Variants in PCARE observed in about 807,000 individuals in gnomAD.
The protein encoded by PCARE is photoreceptor cilium actin regulator.
PCARE carries 72 observed loss-of-function variants against 82.2 expected under a neutral mutation model. The observed-to-expected ratio is 0.88, with a 90% CI of 0.72 to 1.07. The LOEUF is 1.07. Ranked by LOEUF, PCARE falls within the 50% of genes least tolerant of loss-of-function variation. PCARE has a pLI of 0.00. For synonymous variants in PCARE, 705 were observed against 634.8 expected, an observed-to-expected ratio of 1.11 and a Z score of -1.66; for missense variants, 1,768 against 1,592.4, an observed-to-expected ratio of 1.11 and a Z score of -1.88.
At position 29,072,709 on chromosome 2, in the gene PCARE, G is replaced by A. The variant is rs763777403; in HGVS notation, c.1553C>T (p.Pro518Leu). 1.9e-6 allele frequency: 3 copies of A among 1,614,118 alleles called. No homozygotes were observed. ...KTPHSRPQSSPADRESPFQAR... is the reference protein window; with the variant it reads ...KTPHSRPQSSLADRESPFQAR... ...CTGAAATGGGCTTTCCCGGTCAGCA[G>A]GTGAAGATTGTGGCCTTGAATGTGG... Residue 518 changes from proline (P) to leucine (L), a missense_variant, in exon 1 of 2, where the codon CCT (proline) becomes CTT (leucine). Pro to Leu is a moderately conservative substitution (Grantham distance 98). Transcript: ENST00000331664.
rs769274864 is a variant in PCARE at position 29,073,813 on chromosome 2, T to A, written c.449A>T (p.Lys150Ile). The A allele has an allele frequency of 2.4e-5, 38 of 1,614,052 alleles. No individual in the cohort carries two copies. The highest frequency in any genetic ancestry group is 3.1e-5 in the Non-Finnish European group (37 of 1,180,028). Reference protein sequence around the residue: ...QDTSKWKRTAKCHTSSTQSHC... With the variant: ...QDTSKWKRTAICHTSSTQSHC... ...GCTCTGTGTGCTTGACGTGTGACATTTTGCTGTCCTTTTCCATTTGGAAGT... is the reference window on the plus strand; with the variant it reads ...GCTCTGTGTGCTTGACGTGTGACATATTGCTGTCCTTTTCCATTTGGAAGT... The change falls in exon 1 of 2, where the codon AAA becomes ATA. Residue 150 changes from lysine (K) to isoleucine (I), a missense_variant. Lys to Ile is a moderately radical substitution (Grantham distance 102, BLOSUM62 -3). Coordinates refer to ENST00000331664, the MANE Select transcript of PCARE (RefSeq NM_001029883.3).
In PCARE at chr2:29,073,882, G is replaced by T; in HGVS notation, c.380C>A (p.Ala127Glu). 6.2e-7 allele frequency: 1 copy of T among 1,614,240 alleles called. No homozygotes were observed. The highest frequency in any genetic ancestry group is 8.5e-7 in the Non-Finnish European group (1 of 1,180,038). The change falls in exon 1 of 2, where the codon GCA (alanine) becomes GAA (glutamate). Residue 127 changes from alanine (A) to glutamate (E), a missense_variant. Transcript: ENST00000331664. The stretch of plus-strand genomic sequence containing the variant: ...CTCACTCTCATCTCCAGAAAAGTCT[G>T]CCCCTTGTGATCCATGGGAACCCTG... ...KTQGSHGSQG[A>E]DFSGDESEES...
rs1667519875 is a variant in PCARE, at chr2:29,072,964, G to T, written c.1298C>A (p.Pro433Gln). ...QPRAQDEARS[P>Q]CLSSTSPENI... is the part of the protein sequence containing the mutation. ...TTCTGGGCTTGTACTGGAGAGGCAT[G>T]GGCTCCTTGCTTCGTCCTGTGCTCG... is the stretch of plus-strand genomic sequence containing the variant. The change falls in exon 1 of 2, where the codon CCA (proline) becomes CAA (glutamine). Residue 433 changes from proline to glutamine, a missense_variant. Coordinates refer to ENST00000331664, the MANE Select transcript of PCARE (RefSeq NM_001029883.3). 1 of 1,614,028 alleles carries T rather than the reference G, an allele frequency of 6.2e-7. No homozygotes were observed. The highest frequency in any genetic ancestry group is 8.5e-7 in the Non-Finnish European group (1 of 1,180,020).
Position 29,071,686 on chromosome 2 carries a change from G to T in PCARE, c.2576C>A (p.Pro859His), listed in dbSNP as rs750148855. Residue 859 changes from proline (P) to histidine (H), a missense_variant, in exon 1 of 2, where the codon CCC becomes CAC. Transcript: ENST00000331664. The stretch of plus-strand genomic sequence containing the variant: ...CGGCCCTGGCTCCTGGGTTTCCTTG[G>T]GGGAGTTCTCTGTGGACTTGCTGCT... ...PESSKSTENS[P>H]KETQEPGPGE... The T allele has an allele frequency of 1.2e-6, 2 of 1,614,096 alleles. No individual in the cohort carries two copies.
chr2:29,069,840 C>T lies in PCARE; in HGVS notation c.3668+754G>A, dbSNP rs376457196. Among the ~76,000 whole-genome samples, 36 of 152,276 alleles carry T rather than the reference C, an allele frequency of 2.4e-4. No individual in the cohort carries two copies. The South Asian group carries it at 6.4e-3, about 27-fold the overall frequency. On this transcript the variant is annotated intron_variant, in intron 1 of 1. Transcript: ENST00000331664. ...AACATTGATAGATATAGCCTCCACACGCAAAGGCTCTTTTGGGCTCTTAAT... is the reference window on the plus strand; with the variant it reads ...AACATTGATAGATATAGCCTCCACATGCAAAGGCTCTTTTGGGCTCTTAAT...
In PCARE at chr2:29,070,608, C is replaced by T. The variant is rs1217848992; in HGVS notation, c.3654G>A (p.Gln1218=). Residue 1218 remains glutamine, a synonymous_variant, in exon 1 of 2, where the codon CAG becomes CAA. Transcript: ENST00000331664. Reference sequence around the variant, plus strand: ...ACACTCCTTACCTGTTCTGGCCGAGCTGGGATTCATAAGAGGTGCTGGTGG... The same window carrying T: ...ACACTCCTTACCTGTTCTGGCCGAGTTGGGATTCATAAGAGGTGCTGGTGG... ...LDPTSTSYES[Q]LGQNSSSEES... 6.2e-7 allele frequency: 1 copy of T among 1,614,018 alleles called. No homozygotes were observed. The highest frequency in any genetic ancestry group is 8.5e-7 in the Non-Finnish European group (1 of 1,179,900).
rs756152942 is a variant in PCARE at position 29,070,858 on chromosome 2, G to A, written c.3404C>T (p.Pro1135Leu). The change falls in exon 1 of 2, where the codon CCG becomes CTG. Residue 1135 changes from proline (P) to leucine (L), a missense_variant. Transcript: ENST00000331664. ...CAGTGGGTGGGCTGTTGAGAGTGGC[G>A]GTTTAGCTTCAAACAGAGAGGAGGT... Reference protein sequence around the residue: ...PATSSLFEAKPPLSTAHPLTP... With the variant: ...PATSSLFEAKLPLSTAHPLTP... 4.3e-5 allele frequency: 69 copies of A among 1,613,810 alleles called. No individual in the cohort carries two copies. The East Asian group carries it at 8.2e-4, about 19-fold the overall frequency.
chr2:29,068,918 C>A (rs917080977), intron 1 of PCARE, among the ~76,000 whole-genome samples: 1 of 152,204 alleles, frequency 6.6e-6, no homozygotes, highest in Non-Finnish European at 1.5e-5. Context: ...CCAGGACTAG[C>A]CATTCTCAAA....
In PCARE at chr2:29,073,920, A is replaced by C. The variant is rs1558490531; in HGVS notation, c.342T>G (p.Ile114Met). The C allele has an allele frequency of 1.2e-6, 2 of 1,614,198 alleles. No homozygotes were observed. Among genetic ancestry groups the C allele is most frequent in the Non-Finnish European group, 1.7e-6 (2 of 1,180,030 alleles). ...NKSQSHMAKDIPFKTQGSHGS... is the reference protein window; with the variant it reads ...NKSQSHMAKDMPFKTQGSHGS... ...CATGGGAACCCTGTGTCTTGAACGG[A>C]ATATCCTTAGCCATGTGGCTTTGTG... The change falls in exon 1 of 2, where the codon ATT becomes ATG. Residue 114 changes from isoleucine (I) to methionine (M), a missense_variant. Transcript: ENST00000331664.
intron 1 of PCARE, 45 bp downstream of exon 1, chr2:29,070,549 C>G (rs1558487364): frequency 2.5e-6 from 4 of 1,612,320 alleles, no homozygotes; most frequent in East Asian, 2.2e-5. Context: ...CTGTTCCTCT[C>G]TAGTCCAAGC....
rs766484593 is a variant in PCARE at position 29,073,860 on chromosome 2, ACTCT to A, written c.398_401del (p.Glu133ValfsTer48). The A allele has an allele frequency of 1.2e-6, 2 of 1,613,778 alleles. No homozygotes were observed. Among genetic ancestry groups the A allele is most frequent in the African/African-American group, 1.3e-5 (1 of 74,816 alleles). Reference sequence around the variant, plus strand: ...AAGTATCTTGGGTACTACTTTCCTCACTCTCATCTCCAGAAAAGTCTGCCCCTTG... The same window carrying A: ...AAGTATCTTGGGTACTACTTTCCTCACATCTCCAGAAAAGTCTGCCCCTTG... On this transcript the variant is annotated frameshift_variant, in exon 1 of 2. Transcript: ENST00000331664. LOFTEE classifies it high-confidence loss of function.
Position 29,073,160 on chromosome 2 carries a change from G to C in PCARE, c.1102C>G (p.Gln368Glu), listed in dbSNP as rs1252080996. The C allele has an allele frequency of 6.2e-7, 1 of 1,614,088 alleles. No homozygotes were observed. Among genetic ancestry groups the C allele is most frequent in the Admixed American group, 1.7e-5 (1 of 60,020 alleles). ...TCTGGTGCAAGGTCCCAGCTGGTTT[G>C]CTTGCCCAGCTTGTCCACCGACTGC... is the stretch of plus-strand genomic sequence containing the variant. ...SVQSVDKLGKQTSWDLAPEPE... is the reference protein window; with the variant it reads ...SVQSVDKLGKETSWDLAPEPE... Residue 368 changes from glutamine (Q) to glutamate (E), a missense_variant, in exon 1 of 2, where the codon CAA becomes GAA. Physicochemically the swap from Gln to Glu is conservative, Grantham distance 29. Transcript: ENST00000331664.
chr2:29,071,931 C>T lies in PCARE; in HGVS notation c.2331G>A (p.Leu777=). Residue 777 remains leucine, a synonymous_variant, in exon 1 of 2, where the codon TTG becomes TTA. Transcript: ENST00000331664. ...RFPKYTGLAP[L]YPKPQISPAS... is the part of the protein sequence containing the mutation. ...CTGGAGAAATTTGGGGCTTCGGATA[C>T]AAAGGGGCAAGCCCTGTGTACTTGG... 2 of 1,614,156 alleles carry T rather than the reference C, an allele frequency of 1.2e-6. No individual in the cohort carries two copies. Among genetic ancestry groups the T allele is most frequent in the Non-Finnish European group, 1.7e-6 (2 of 1,180,004 alleles).
At chr2:29,067,357 C>T (rs887097879) in intron 1 of PCARE, among the ~76,000 whole-genome samples, 3 of 152,182 alleles carry the variant, frequency 2.0e-5, no homozygotes, top group Non-Finnish European at 4.4e-5. Context: ...CTTCTGCTCC[C>T]AGATGCCAAC....
In PCARE at chr2:29,071,293, A is replaced by C. The variant is rs780187948; in HGVS notation, c.2969T>G (p.Val990Gly). ...CCTCGTGGGAGAGGCCTTTCTGCCCACAGGGGGGCTTCTCTCTCGGCTCTG... is the reference window on the plus strand; with the variant it reads ...CCTCGTGGGAGAGGCCTTTCTGCCCCCAGGGGGGCTTCTCTCTCGGCTCTG... ...PRQSRERSPP[V>G]GRKASPTRTH... is the part of the protein sequence containing the mutation. Residue 990 changes from valine to glycine, a missense_variant, in exon 1 of 2, where the codon GTG (valine) becomes GGG (glycine). Coordinates refer to ENST00000331664, the MANE Select transcript of PCARE (RefSeq NM_001029883.3). 8 of 1,613,308 alleles carry C rather than the reference A, an allele frequency of 5.0e-6. No homozygotes were observed. The African/African-American group carries it at 8.0e-5, about 16-fold the overall frequency.
chr2:29,071,519 A>G lies in PCARE; in HGVS notation c.2743T>C (p.Cys915Arg). 6.2e-7 allele frequency: 1 copy of G among 1,608,202 alleles called. No homozygotes were observed. Among genetic ancestry groups the G allele is most frequent in the South Asian group, 1.1e-5 (1 of 91,064 alleles). Residue 915 changes from cysteine (C) to arginine (R), a missense_variant, in exon 1 of 2, where the codon TGC (cysteine) becomes CGC (arginine). Coordinates refer to ENST00000331664, the MANE Select transcript of PCARE (RefSeq NM_001029883.3). ...STGPGSGRSS[C>R]QPRKPALDLS... ...TCCAGGGCTGGCTTCCTGGGCTGGC[A>G]GCTGCTCCTGCCACTCCCTGGCCCT...
chr2:29,068,942 G>GC (rs1419527439), intron 1 of PCARE, among the ~76,000 whole-genome samples: 1 of 151,932 alleles, frequency 6.6e-6, no homozygotes, highest in Non-Finnish European at 1.5e-5. Context: ...TAGTCTGGGG[G>GC]CCCCTGGTTA....
chr2:29,065,259 A>T (rs1382340999), intron 1 of PCARE, among the ~76,000 whole-genome samples, 192 bp from the exon 2 acceptor site: 2 of 152,012 alleles, frequency 1.3e-5, no homozygotes, highest in Non-Finnish European at 2.9e-5. Flanking sequence ...GTGTGCCTGC[A>T]GGGGTGGGCG....
At chr2:29,070,445 G>T in intron 1 of PCARE, 149 bp downstream of exon 1, 2 of 961,766 alleles carry the variant, frequency 2.1e-6, no homozygotes, top group Non-Finnish European at 1.6e-6. Context: ...GGGGGAGCTG[G>T]AACTGCCCCC....
Sources: gnomAD v4.1 joint callset for allele counts (sites outside exome capture counted in the v4.1 genomes callset) on GRCh38, gnomAD v4.1.1 for gene constraint, MANE v1.5 for transcripts, NCBI Gene and HGNC (gene_info 2026-07-23, HGNC 2026-07-21) for gene names.